The following DDA1 variants were observed in gnomAD, a reference collection of about 807,000 sequenced individuals.
DDA1 encodes DET1 and DDB1 associated 1.
Under a neutral mutation model 18.6 loss-of-function variants are expected in DDA1, and 3 were observed. The ratio of observed to expected loss-of-function variants is 0.16; its 90% CI spans 0.07 to 0.42. The LOEUF (loss-of-function observed/expected upper bound fraction) is 0.42. Ranked by LOEUF, DDA1 falls within the 10% of genes least tolerant of loss-of-function variation. The pLI is 0.99. For synonymous variants in DDA1, 52 were observed against 54.0 expected, an observed-to-expected ratio of 0.96 and a Z score of 0.17; for missense variants, 105 against 138.2, an observed-to-expected ratio of 0.76 and a Z score of 1.20.
rs1315775746 is a variant in DDA1, at chr19:17,309,577, C to G, written c.-78C>G. Reference sequence around the variant, plus strand: ...GCCGTGGCTGGAAGTTACTGTGAGGCGGCGGCTAAGAAGGCGGCTCTGGTG... The same window carrying G: ...GCCGTGGCTGGAAGTTACTGTGAGGGGGCGGCTAAGAAGGCGGCTCTGGTG... On this transcript the variant is annotated 5_prime_UTR_variant, in exon 1 of 5. Coordinates refer to ENST00000359866, the MANE Select transcript of DDA1 (RefSeq NM_024050.6). The G allele has an allele frequency of 3.4e-6, 5 of 1,449,346 alleles. No individual in the cohort carries two copies. Among genetic ancestry groups the G allele is most frequent in the Non-Finnish European group, 3.9e-6 (4 of 1,034,000 alleles). The allele number at this position is 1,449,346 out of a possible 1,614,324, so 89.8% of individuals were successfully genotyped here.
At chr19:17,313,369 C>T (rs988126387) in intron 1 of DDA1, among the ~76,000 whole-genome samples, 6 of 150,680 alleles carry the variant, frequency 4.0e-5, no homozygotes, top group African/African-American at 1.5e-4. Flanking sequence ...TGGAGAGACT[C>T]GCAGCAGACA....
intron 1 of DDA1, among the ~76,000 whole-genome samples, chr19:17,313,328 C>T (rs1030470965): frequency 2.0e-5 from 3 of 151,730 alleles, no homozygotes; most frequent in African/African-American, 7.3e-5. Context: ...ACATAGTGAG[C>T]TCAGGAGGGC....
rs904583659 is a variant in DDA1 at position 17,321,899 on chromosome 19, T to A, written c.*2243T>A. ...GGACAGGTGGTCAGGAAATGCACAC[T>A]TGACTGCGGTCGATGGTGCCGGGTC... On this transcript the variant is annotated 3_prime_UTR_variant, in exon 5 of 5. Transcript: ENST00000359866. 7.2e-5 allele frequency: 11 copies of A among 152,718 alleles called. No individual in the cohort carries two copies. The highest frequency in any genetic ancestry group is 2.4e-4 in the African/African-American group (10 of 41,482). 9.5% of individuals were successfully genotyped at this position (152,718 alleles called of 1,614,324 possible).
intron 4 of DDA1, among the ~76,000 whole-genome samples, chr19:17,318,870 G>C (rs189291050): frequency 6.6e-6 from 1 of 151,862 alleles, no homozygotes; most frequent in African/African-American, 2.4e-5. Flanking sequence ...TGAACAGTGG[G>C]TGGCTGCCTA....
chr19:17,312,735 T>C (rs1430482543), intron 1 of DDA1, among the ~76,000 whole-genome samples: 1 of 152,074 alleles, frequency 6.6e-6, no homozygotes, highest in Non-Finnish European at 1.5e-5. Flanking sequence ...CGCGTGGCCA[T>C]GGTGGCTCAG....
At chr19:17,310,459 G>A (rs1347332409) in intron 1 of DDA1, among the ~76,000 whole-genome samples, 3 of 152,260 alleles carry the variant, frequency 2.0e-5, no homozygotes, top group East Asian at 1.9e-4. Context: ...GTGGTTCTTC[G>A]GGGTTCAGTC....
intron 1 of DDA1, among the ~76,000 whole-genome samples, chr19:17,311,207 C>T (rs1159883233): frequency 1.3e-5 from 2 of 151,410 alleles, no homozygotes; most frequent in African/African-American, 4.9e-5. Context: ...GCTCTGTCGC[C>T]CAGGCTGGAG....
chr19:17,318,441 G>A (rs2074224233), intron 4 of DDA1, among the ~76,000 whole-genome samples: 1 of 151,986 alleles, frequency 6.6e-6, no homozygotes, highest in South Asian at 2.1e-4. Context: ...ATGTTAGTCT[G>A]ACTTGTCTTG....
intron 1 of DDA1, among the ~76,000 whole-genome samples, chr19:17,311,630 C>T (rs1189272361): frequency 6.6e-6 from 1 of 152,204 alleles, no homozygotes; most frequent in East Asian, 1.9e-4. Flanking sequence ...CTTGTTTTCA[C>T]TTCCTCACAC....
chr19:17,316,517 T>C (rs1599536376), intron 4 of DDA1, among the ~76,000 whole-genome samples: 1 of 150,802 alleles, frequency 6.6e-6, no homozygotes, highest in African/African-American at 2.4e-5. Flanking sequence ...GAGGCGGAGG[T>C]TGCAGTGAGC....
chr19:17,321,885 C>G lies in DDA1; in HGVS notation c.*2229C>G, dbSNP rs1219299630. ...GCCATGTGGTCACAGGACAGGTGGTCAGGAAATGCACACTTGACTGCGGTC... is the reference window on the plus strand; with the variant it reads ...GCCATGTGGTCACAGGACAGGTGGTGAGGAAATGCACACTTGACTGCGGTC... On this transcript the variant is annotated 3_prime_UTR_variant, in exon 5 of 5. Transcript: ENST00000359866. 6.6e-6 allele frequency: 1 copy of G among 152,656 alleles called. No individual in the cohort carries two copies. The highest frequency in any genetic ancestry group is 1.9e-4 in the East Asian group (1 of 5,198). The allele number at this position is 152,656 out of a possible 1,614,324, so 9.5% of individuals were successfully genotyped here. A position where few individuals can be genotyped will look rare whatever the true frequency, so the allele number is the denominator to read the frequency against.
At chr19:17,309,774 C>T (rs1406990020) in intron 1 of DDA1, 117 bp downstream of exon 1, 12 of 1,324,566 alleles carry the variant, frequency 9.1e-6, no homozygotes, top group Middle Eastern at 1.9e-4. Flanking sequence ...CCCTCAGGTC[C>T]GGCCCGCCCC....
chr19:17,315,797 C>G, intron 3 of DDA1, 137 bp from the exon 4 acceptor site: 6 of 845,990 alleles, frequency 7.1e-6, no homozygotes, highest in Non-Finnish European at 9.8e-6. Context: ...TGCTCAGAAG[C>G]AAAAACATGG....
At chr19:17,311,022 ATTTTTGTAC>A (rs915906829) in intron 1 of DDA1, among the ~76,000 whole-genome samples, 12 of 151,954 alleles carry the variant, frequency 7.9e-5, no homozygotes, top group Admixed American at 7.9e-4. Context: ...CACCAGGCTC[ATTTTTGTAC>A]TTTTTGGAGA....
intron 3 of DDA1, chr19:17,315,644 A>C: frequency 2.2e-6 from 1 of 459,788 alleles, no homozygotes; most frequent in Non-Finnish European, 4.0e-6. Context: ...GATATGCGGT[A>C]TGTGCTCCTA....
intron 3 of DDA1, among the ~76,000 whole-genome samples, chr19:17,315,428 G>GTATATATATA (rs1568354197): frequency 1.4e-5 from 1 of 71,366 alleles, no homozygotes; most frequent in African/African-American, 9.6e-5. Flanking sequence ...GTGTGTGTGT[G>GTATATATATA]CATATATATA....
chr19:17,313,290 C>T (rs2074187252), intron 1 of DDA1, among the ~76,000 whole-genome samples: 1 of 152,064 alleles, frequency 6.6e-6, no homozygotes, highest in Non-Finnish European at 1.5e-5. Context: ...GAGACACTAC[C>T]TCCTGCCCCA....
At chr19:17,317,314 C>T (rs1304734803) in intron 4 of DDA1, among the ~76,000 whole-genome samples, 2 of 152,096 alleles carry the variant, frequency 1.3e-5, no homozygotes, top group African/African-American at 2.4e-5. Flanking sequence ...TCGAGACCAT[C>T]CTGGCTAACA....
rs961720437 is a variant in DDA1 at position 17,314,686 on chromosome 19, A to T, written c.136+297A>T. 20 of 449,748 alleles carry T rather than the reference A, an allele frequency of 4.4e-5. No homozygotes were observed. Among genetic ancestry groups the T allele is most frequent in the African/African-American group, 3.6e-4 (18 of 50,356 alleles). 27.9% of individuals were successfully genotyped at this position (449,748 alleles called of 1,614,324 possible). On this transcript the variant is annotated intron_variant, in intron 3 of 4. Coordinates refer to ENST00000359866, the MANE Select transcript of DDA1 (RefSeq NM_024050.6). The surrounding 1 kb of genome is among the most constrained non-coding windows in gnomAD (Gnocchi z 4.6). ...TGTCTCTTGATTGGGACACACTGGG[A>T]TCCACAGCCAGCCCAAAGGGGCCCC...
Sources: allele counts gnomAD v4.1 joint callset (sites outside exome capture counted in the v4.1 genomes callset), GRCh38; gene constraint gnomAD v4.1.1; non-coding constraint Gnocchi (gnomAD v3.1); transcripts MANE v1.5; gene names NCBI Gene and HGNC (gene_info 2026-07-23, HGNC 2026-07-21).